Variants in GYS1 observed in about 807,000 individuals in gnomAD.
The protein encoded by GYS1 is glycogen [starch] synthase, muscle.
GYS1 carries 60 observed loss-of-function variants against 89.1 expected under a neutral mutation model. The ratio of observed to expected loss-of-function variants is 0.67; its 90% CI spans 0.55 to 0.84. The LOEUF (loss-of-function observed/expected upper bound fraction) is 0.84. GYS1 is among the 40% of genes least tolerant of loss of function. The pLI, the probability that GYS1 is intolerant of heterozygous loss-of-function variation, is 0.00. For synonymous variants in GYS1, 366 were observed against 401.7 expected, an observed-to-expected ratio of 0.91 and a Z score of 1.06; for missense variants, 888 against 1,003.1, an observed-to-expected ratio of 0.89 and a Z score of 1.55.
At chr19:48,978,833 C>A (rs969740135) in intron 8 of GYS1, among the ~76,000 whole-genome samples, 6 of 152,184 alleles carry the variant, frequency 3.9e-5, no homozygotes, top group African/African-American at 1.2e-4. Context: ...CCGCGCCCAG[C>A]TACCCTTAGG....
chr19:48,990,451 G>A (rs1255313890), intron 2 of GYS1, among the ~76,000 whole-genome samples: 1 of 151,938 alleles, frequency 6.6e-6, no homozygotes, highest in Admixed American at 6.6e-5. Context: ...CCTCTCTTCT[G>A]TCCCCAGTCT....
chr19:48,979,718 C>T (rs1264501580), intron 8 of GYS1, among the ~76,000 whole-genome samples: 2 of 147,568 alleles, frequency 1.4e-5, no homozygotes, highest in East Asian at 3.9e-4. Context: ...GCGATCTTGG[C>T]TCACTGCAAT....
intron 2 of GYS1, among the ~76,000 whole-genome samples, chr19:48,989,856 C>T (rs988701460): frequency 6.6e-6 from 1 of 152,246 alleles, no homozygotes; most frequent in African/African-American, 2.4e-5. Flanking sequence ...GGCTGTTTTC[C>T]TCCCTGAGAC....
At chr19:48,970,789 C>CCT in intron 13 of GYS1, 80 bp from the exon 14 acceptor site, 1 of 1,478,842 alleles carries the variant, frequency 6.8e-7, no homozygotes. Context: ...CACCAGGACC[C>CCT]CTCCTCTCCC....
chr19:48,977,452 G>T (rs1486028115), intron 10 of GYS1, among the ~76,000 whole-genome samples: 1 of 152,000 alleles, frequency 6.6e-6, no homozygotes, highest in Non-Finnish European at 1.5e-5. Flanking sequence ...AATTAGCTGG[G>T]TGTGGTGGCA....
chr19:48,982,140 G>A (rs749255205), intron 7 of GYS1, 115 bp downstream of exon 7: 44 of 1,067,914 alleles, frequency 4.1e-5, no homozygotes, highest in Admixed American at 2.1e-4. Flanking sequence ...TGATCCTCCC[G>A]CCTTGGCCTC....
intron 8 of GYS1, among the ~76,000 whole-genome samples, chr19:48,979,569 TCAAG>T (rs1490066255): frequency 6.6e-6 from 1 of 151,208 alleles, no homozygotes; most frequent in Non-Finnish European, 1.5e-5. Flanking sequence ...ACTCCTGACC[TCAAG>T]TGATCTGCCC....
chr19:48,987,413 G>A, intron 2 of GYS1, 28 bp from the exon 3 acceptor site: 14 of 1,527,386 alleles, frequency 9.2e-6, no homozygotes, highest in Non-Finnish European at 1.2e-5. Context: ...AGGCACCATA[G>A]GGAGGCTCTG....
intron 2 of GYS1, among the ~76,000 whole-genome samples, chr19:48,990,007 G>GGGGA (rs1555800147): frequency 1.3e-5 from 2 of 150,378 alleles, no homozygotes; most frequent in African/African-American, 4.9e-5. Context: ...CTGGGGGGGG[G>GGGGA]GGGGGGCTAT....
At chr19:48,981,502 G>A (rs368463596) in intron 8 of GYS1, 28 bp downstream of exon 8, 81 of 1,269,010 alleles carry the variant, frequency 6.4e-5, no homozygotes, top group Non-Finnish European at 8.8e-5. Flanking sequence ...AGTGGGCTGC[G>A]CCAGGGGCCG....
chr19:48,970,935 T>G lies in GYS1; in HGVS notation c.1638A>C (p.Ser546=). The change falls in exon 13 of 16, where the codon TCA becomes TCC. Residue 546 remains serine (S), a synonymous_variant. Coordinates refer to ENST00000323798, the MANE Select transcript of GYS1 (RefSeq NM_002103.5). ...AGGGGCCTGGGCGCTGACCGTAAGC[T>G]GAGGGGTCTGCGATGTGTTCCTCCA... The part of the protein sequence containing the change: ...CFMEEHIADP[S]AYGIYILDRR... The G allele has an allele frequency of 6.2e-7, 1 of 1,611,806 alleles. No individual in the cohort carries two copies. The highest frequency in any genetic ancestry group is 8.5e-7 in the Non-Finnish European group (1 of 1,177,892).
chr19:48,982,150 C>T, intron 7 of GYS1, 105 bp downstream of exon 7: 1 of 1,244,068 alleles, frequency 8.0e-7, no homozygotes, highest in South Asian at 1.2e-5. Flanking sequence ...GCCTTGGCCT[C>T]CAAAAGTGTT....
At chr19:48,973,021 ACT>A (rs1244435554) in intron 12 of GYS1, among the ~76,000 whole-genome samples, 1 of 151,986 alleles carries the variant, frequency 6.6e-6, no homozygotes, top group Non-Finnish European at 1.5e-5. Flanking sequence ...ATATAGTTTG[ACT>A]CTGTGTTCCC....
intron 2 of GYS1, among the ~76,000 whole-genome samples, chr19:48,989,998 T>TGGGGGGGGG: frequency 2.0e-5 from 1 of 49,646 alleles, no homozygotes; most frequent in Admixed American, 2.6e-4. Flanking sequence ...GCCCTTTTGC[T>TGGGGGGGGG]GGGGGGGGGG....
chr19:48,989,998 TGG>T lies in GYS1; in HGVS notation c.300+1302_300+1303del, dbSNP rs998261396. ...TCCCAGCTGTTGTCTGCCCTTTTGCTGGGGGGGGGGGGGGGCTATTCTTAGGC... is the reference window on the plus strand; with the variant it reads ...TCCCAGCTGTTGTCTGCCCTTTTGCTGGGGGGGGGGGGGCTATTCTTAGGC... On this transcript the variant is annotated intron_variant, in intron 2 of 15. Coordinates refer to ENST00000323798, the MANE Select transcript of GYS1 (RefSeq NM_002103.5). Among the ~76,000 whole-genome samples the T allele has an allele frequency of 8.5e-4, 42 of 49,608 alleles. 2 individuals are homozygous for T. Among genetic ancestry groups the T allele is most frequent in the Admixed American group, 1.5e-3 (6 of 3,908 alleles). The allele number at this position is 49,608 out of a possible 152,430, so 32.5% of individuals were successfully genotyped here. A position where few individuals can be genotyped will look rare whatever the true frequency, so the allele number is the denominator to read the frequency against.
Position 48,974,607 on chromosome 19 carries a change from C to G in GYS1, c.1422+13G>C. ...CTGCCGTGCCCAACCCAGCCCTGAC[C>G]AAATGCCCTCACCTTCACCCTGTCG... On this transcript the variant is annotated intron_variant, in intron 11 of 15. Transcript: ENST00000323798. The G allele has an allele frequency of 6.3e-7, 1 of 1,593,394 alleles. No homozygotes were observed. The highest frequency in any genetic ancestry group is 2.2e-5 in the East Asian group (1 of 44,762).
At chr19:48,976,564 G>A (rs553446339) in intron 10 of GYS1, among the ~76,000 whole-genome samples, 7 of 152,268 alleles carry the variant, frequency 4.6e-5, no homozygotes, top group African/African-American at 1.7e-4. Flanking sequence ...AACCGCAGCT[G>A]CTGAGAGTTT....
chr19:48,987,433 C>T, intron 2 of GYS1, 48 bp from the exon 3 acceptor site: 2 of 1,421,874 alleles, frequency 1.4e-6, no homozygotes, highest in East Asian at 2.4e-5. Flanking sequence ...GGGCTTCAGC[C>T]TCATATCTTC....
chr19:48,978,981 G>A (rs1046026555), intron 8 of GYS1, among the ~76,000 whole-genome samples: 5 of 152,266 alleles, frequency 3.3e-5, no homozygotes, highest in Middle Eastern at 6.8e-3. Context: ...TGTGGTCAGG[G>A]ACAGGTGGCC....
Sources: gnomAD v4.1 joint callset for allele counts (sites outside exome capture counted in the v4.1 genomes callset) on GRCh38, gnomAD v4.1.1 for gene constraint, MANE v1.5 for transcripts, NCBI Gene and HGNC (gene_info 2026-07-23, HGNC 2026-07-21) for gene names.